ZFYVE16: variants seen among roughly 807,000 people sequenced by gnomAD.
The protein encoded by ZFYVE16 is zinc finger FYVE domain-containing protein 16.
A neutral mutation model predicts 138.1 loss-of-function variants in ZFYVE16; 89 were observed. The observed-to-expected ratio is 0.64, with a 90% CI of 0.54 to 0.77. ZFYVE16 has a LOEUF of 0.77. ZFYVE16 is among the 30% of genes least tolerant of loss of function. The pLI, the probability that ZFYVE16 is intolerant of heterozygous loss-of-function variation, is 0.00. For synonymous variants in ZFYVE16, 596 were observed against 618.3 expected, an observed-to-expected ratio of 0.96 and a Z score of 0.53; for missense variants, 1,793 against 1,786.7, an observed-to-expected ratio of 1.00 and a Z score of -0.06.
rs775386871 is a variant in ZFYVE16 at position 80,437,008 on chromosome 5, G to A, written c.323G>A (p.Gly108Asp). Reference sequence around the variant, plus strand: ...CTTGATCTTCTTTCTTCTGTGGATGGTGGTACTTCAGATGAAATCCAGCCG... The same window carrying A: ...CTTGATCTTCTTTCTTCTGTGGATGATGGTACTTCAGATGAAATCCAGCCG... Reference protein sequence around the residue: ...TGLDLLSSVDGGTSDEIQPLY... With the variant: ...TGLDLLSSVDDGTSDEIQPLY... Residue 108 changes from glycine to aspartate, a missense_variant, in exon 4 of 19, where the codon GGT (glycine) becomes GAT (aspartate). Gly to Asp is a moderately conservative substitution (Grantham distance 94). Coordinates refer to ENST00000505560, the MANE Select transcript of ZFYVE16 (RefSeq NM_001284236.3). The A allele has an allele frequency of 1.2e-5, 20 of 1,614,060 alleles. No individual in the cohort carries two copies. The highest frequency in any genetic ancestry group is 5.0e-5 in the Admixed American group (3 of 60,008).
At position 80,438,009 on chromosome 5, in the gene ZFYVE16, A is replaced by T. The variant is rs371216161; in HGVS notation, c.1324A>T (p.Ile442Leu). ...DLLKQEKCKS[I>L]LLQSLIEGME... is the part of the protein sequence containing the mutation. Reference sequence around the variant, plus strand: ...TTTGAAACAGGAAAAATGTAAAAGCATACTCCTTCAGTCATTAATTGAAGG... The same window carrying T: ...TTTGAAACAGGAAAAATGTAAAAGCTTACTCCTTCAGTCATTAATTGAAGG... Residue 442 changes from isoleucine (I) to leucine (L), a missense_variant, in exon 4 of 19, where the codon ATA (isoleucine) becomes TTA (leucine). Coordinates refer to ENST00000505560, the MANE Select transcript of ZFYVE16 (RefSeq NM_001284236.3). 6.2e-7 allele frequency: 1 copy of T among 1,613,972 alleles called. No individual in the cohort carries two copies. Among genetic ancestry groups the T allele is most frequent in the Admixed American group, 1.7e-5 (1 of 59,992 alleles).
intron 5 of ZFYVE16, chr5:80,440,985 T>G: frequency 2.0e-6 from 2 of 985,426 alleles, no homozygotes; most frequent in Non-Finnish European, 2.4e-6. Context: ...GCTGTTGACC[T>G]CTGCTCTGGA....
At chr5:80,433,267 A>G (rs1391463092) in intron 2 of ZFYVE16, among the ~76,000 whole-genome samples, 2 of 152,224 alleles carry the variant, frequency 1.3e-5, no homozygotes, top group African/African-American at 4.8e-5. Flanking sequence ...ATAAAAGAGG[A>G]TGAGTTCATG....
chr5:80,466,108 T>C (rs1255270072), intron 15 of ZFYVE16, among the ~76,000 whole-genome samples: 1 of 151,964 alleles, frequency 6.6e-6, no homozygotes, highest in African/African-American at 2.4e-5. Context: ...GTACTTTTAG[T>C]AGAGACAGGG....
rs904211702 is a variant in ZFYVE16, at chr5:80,459,776, A to G, written c.4024+282A>G. 1.2e-3 allele frequency among the ~76,000 whole-genome samples: 188 copies of G among 152,170 alleles called. 4 individuals are homozygous for G. The highest frequency in any genetic ancestry group is 0.012 in the Admixed American group (183 of 15,278). ...AACAACATATTGTTTATGCTTATTT[A>G]GGAGATAAATAAAAGTGAAATCATT... On this transcript the variant is annotated intron_variant, in intron 15 of 18. Transcript: ENST00000505560.
Position 80,472,743 on chromosome 5 carries a change from A to T in ZFYVE16, c.4025-18A>T. The T allele has an allele frequency of 6.2e-7, 1 of 1,605,958 alleles. No individual in the cohort carries two copies. Among genetic ancestry groups the T allele is most frequent in the Middle Eastern group, 1.7e-4 (1 of 5,998 alleles). On this transcript the variant is annotated intron_variant, in intron 15 of 18. Coordinates refer to ENST00000505560, the MANE Select transcript of ZFYVE16 (RefSeq NM_001284236.3). ...TGGTATTTGGCAAAAGAAATGTGAA[A>T]CTTAGTCTCATTTCTAGATGGCTTA... is the stretch of plus-strand genomic sequence containing the variant.
chr5:80,467,522 A>C (rs1383594225), intron 15 of ZFYVE16, among the ~76,000 whole-genome samples: 1 of 152,256 alleles, frequency 6.6e-6, no homozygotes, highest in Admixed American at 6.5e-5. Flanking sequence ...TAGACAGCTA[A>C]TAAGCTAACT....
intron 15 of ZFYVE16, among the ~76,000 whole-genome samples, chr5:80,471,947 C>T (rs1400699089): frequency 1.3e-5 from 2 of 152,074 alleles, no homozygotes; most frequent in Non-Finnish European, 2.9e-5. Flanking sequence ...GTAAGGGCTT[C>T]GTTTTGGCTT....
intron 2 of ZFYVE16, among the ~76,000 whole-genome samples, chr5:80,432,561 G>A (rs1749221536): frequency 6.6e-6 from 1 of 152,178 alleles, no homozygotes; most frequent in Non-Finnish European, 1.5e-5. Context: ...AAAAGCAATG[G>A]CAACAAAAGC....
intron 10 of ZFYVE16, among the ~76,000 whole-genome samples, 180 bp from the exon 11 acceptor site, chr5:80,451,305 A>G (rs112584124): frequency 6.6e-6 from 1 of 152,184 alleles, no homozygotes; most frequent in African/African-American, 2.4e-5. Context: ...TATTTAATAG[A>G]TGCTTTTGCA....
Position 80,448,405 on chromosome 5 carries a change from GT to G in ZFYVE16, c.3103+2del. On this transcript the variant is annotated splice_donor_variant, in intron 8 of 18. Coordinates refer to ENST00000505560, the MANE Select transcript of ZFYVE16 (RefSeq NM_001284236.3). LOFTEE classifies it high-confidence loss of function. ...GTTGCATCTGGAGAAAAGGGATCAG[GT>G]AGGGAAGCAGTTATTTAAATTTAAA... 4 of 1,491,546 alleles carry G rather than the reference GT, an allele frequency of 2.7e-6. No homozygotes were observed. Among genetic ancestry groups the G allele is most frequent in the Non-Finnish European group, 3.5e-6 (4 of 1,126,864 alleles). The allele number at this position is 1,491,546 out of a possible 1,614,324, so 92.4% of individuals were successfully genotyped here.
chr5:80,437,905 T>C lies in ZFYVE16; in HGVS notation c.1220T>C (p.Ile407Thr), dbSNP rs761598098. The C allele has an allele frequency of 3.7e-6, 6 of 1,613,878 alleles. No homozygotes were observed. Among genetic ancestry groups the C allele is most frequent in the Admixed American group, 3.3e-5 (2 of 59,964 alleles). ...CCTCAGCATGAACATAAAGATAATA[T>C]ACAAGATGCAGTGACTATACATGAA... is the stretch of plus-strand genomic sequence containing the variant. ...FLPQHEHKDN[I>T]QDAVTIHEEI... The change falls in exon 4 of 19, where the codon ATA becomes ACA. Residue 407 changes from isoleucine (I) to threonine (T), a missense_variant. By Grantham distance (89) the Ile-to-Thr change is moderately conservative (BLOSUM62 -1). This residue lies in a region of ZFYVE16 where 1,295 missense variants were observed against 1,204.3 expected (regional missense o/e 1.08). Transcript: ENST00000505560.
At chr5:80,409,011 A>T (rs1745050861) in intron 1 of ZFYVE16, among the ~76,000 whole-genome samples, 1 of 152,208 alleles carries the variant, frequency 6.6e-6, no homozygotes. Flanking sequence ...CCTGGATATT[A>T]AACCGCATGC....
intron 15 of ZFYVE16, among the ~76,000 whole-genome samples, chr5:80,464,592 A>C (rs987334069): frequency 6.6e-6 from 1 of 152,222 alleles, no homozygotes; most frequent in Non-Finnish European, 1.5e-5. Context: ...TTGGCATAAC[A>C]TTGTTCATAG....
chr5:80,464,104 C>G (rs1466840396), intron 15 of ZFYVE16, among the ~76,000 whole-genome samples: 1 of 152,208 alleles, frequency 6.6e-6, no homozygotes, highest in East Asian at 1.9e-4. Context: ...TGCCTGTTAC[C>G]AAGTTCCAAA....
intron 15 of ZFYVE16, among the ~76,000 whole-genome samples, chr5:80,470,939 T>TAA (rs113428910): frequency 2.0e-5 from 3 of 151,548 alleles, no homozygotes; most frequent in South Asian, 2.1e-4. Context: ...CAGGACTGTG[T>TAA]AAAGACAATG....
In ZFYVE16 at chr5:80,457,099, A is replaced by G. The variant is rs1299128268; in HGVS notation, c.3943+7A>G. The G allele has an allele frequency of 6.2e-7, 1 of 1,609,042 alleles. No individual in the cohort carries two copies. The highest frequency in any genetic ancestry group is 1.3e-5 in the African/African-American group (1 of 74,668). On this transcript the variant is annotated splice_region_variant and intron_variant, in intron 14 of 18. Transcript: ENST00000505560. ...ACTGGCCATCCTAGAAAAGGTGAGC[A>G]TCTTGGTTCCTAGTGCTAATTTACA...
chr5:80,435,617 G>A (rs1228262559), intron 3 of ZFYVE16: 1 of 212,748 alleles, frequency 4.7e-6, no homozygotes, highest in Admixed American at 5.8e-5. Context: ...CACCCTAGCC[G>A]GAGTGCAATG....
rs1210215540 is a variant in ZFYVE16, at chr5:80,437,099, T to C, written c.414T>C (p.His138=). The change falls in exon 4 of 19, where the codon CAT becomes CAC. Residue 138 remains histidine, a synonymous_variant. Coordinates refer to ENST00000505560, the MANE Select transcript of ZFYVE16 (RefSeq NM_001284236.3). ...TAAGTGACATGGGTAACTTAGTTCA[T>C]GCAACCAATAGTGAAGAAGATATTA... The part of the protein sequence containing the change: ...DLISDMGNLV[H]ATNSEEDIKK... 1.2e-6 allele frequency: 2 copies of C among 1,614,048 alleles called. No individual in the cohort carries two copies. The highest frequency in any genetic ancestry group is 1.7e-6 in the Non-Finnish European group (2 of 1,180,020).
Sources: gnomAD v4.1 joint callset for allele counts (sites outside exome capture counted in the v4.1 genomes callset) on GRCh38, gnomAD v4.1.1 for gene constraint, gnomAD v4.1.1 regional missense constraint, MANE v1.5 for transcripts, NCBI Gene and HGNC (gene_info 2026-07-23, HGNC 2026-07-21) for gene names.